The following NT5DC3 variants were observed in gnomAD, a reference collection of about 807,000 sequenced individuals.
NT5DC3 encodes the protein 5'-nucleotidase domain-containing protein 3.
In NT5DC3, 42 loss-of-function variants were observed where a neutral mutation model predicts 67.8. That is an observed-to-expected ratio of 0.62 (90% CI 0.48 to 0.80). The LOEUF is 0.80. NT5DC3 is among the 30% of genes least tolerant of loss of function. The pLI, the probability that NT5DC3 is intolerant of heterozygous loss-of-function variation, is 0.00. For missense variants in NT5DC3, 570 were observed against 696.4 expected (o/e 0.82, Z 2.04); for synonymous variants, 237 against 255.6 (o/e 0.93, Z 0.69).
chr12:103,814,937 C>G lies in NT5DC3; in HGVS notation c.393G>C (p.Arg131=), dbSNP rs942504871. ...GCCTGAAATGTCCCTGTGATCTTAC[C>G]CGGTGTTCATTGATGAGAAGGTCCC... ...AARDLLINEH[R]YPAEIRKYEY... is the part of the protein sequence containing the mutation. The change falls in exon 2 of 14, where the codon CGG becomes CGC. Residue 131 remains arginine (R), a splice_region_variant and synonymous_variant. Transcript: ENST00000392876. 7 of 1,599,352 alleles carry G rather than the reference C, an allele frequency of 4.4e-6. No homozygotes were observed. The highest frequency in any genetic ancestry group is 1.7e-5 in the Admixed American group (1 of 58,390).
At chr12:103,812,050 T>C (rs976040973) in intron 2 of NT5DC3, among the ~76,000 whole-genome samples, 1 of 152,162 alleles carries the variant, frequency 6.6e-6, no homozygotes, top group Middle Eastern at 3.4e-3. Flanking sequence ...TTTCTATTCC[T>C]CGGTGGACAA....
intron 2 of NT5DC3, among the ~76,000 whole-genome samples, chr12:103,812,511 AT>A (rs1887077341): frequency 7.0e-6 from 1 of 143,084 alleles, no homozygotes; most frequent in Non-Finnish European, 1.6e-5. Flanking sequence ...TTATCCATCT[AT>A]TTCATCTCTC....
chr12:103,757,555 C>A, the NT5DC3 span, among the ~76,000 whole-genome samples: 1 of 152,214 alleles, frequency 6.6e-6, no homozygotes, highest in Non-Finnish European at 1.5e-5. Context: ...CAGGGTCCCC[C>A]TTCTGTCTGA....
Position 103,782,672 on chromosome 12 carries a change from C to T in NT5DC3, c.1330-2308G>A, listed in dbSNP as rs751794870. ...CCAGCACCACCACCATGAACCACAG[C>T]CATTTTGGAATGCACTTCAAGGCTA... is the stretch of plus-strand genomic sequence containing the variant. On this transcript the variant is annotated intron_variant, in intron 12 of 13. Coordinates refer to ENST00000392876, the MANE Select transcript of NT5DC3 (RefSeq NM_001031701.3). Among the ~76,000 whole-genome samples the T allele has an allele frequency of 4.6e-5, 7 of 152,308 alleles. No homozygotes were observed. The South Asian group carries it at 1.5e-3, about 32-fold the overall frequency.
chr12:103,827,275 A>T (rs546850334), intron 1 of NT5DC3, among the ~76,000 whole-genome samples: 37 of 152,342 alleles, frequency 2.4e-4, no homozygotes, highest in East Asian at 1.5e-3. Flanking sequence ...TTTAAAAAAT[A>T]AATTAATTAA....
At chr12:103,770,062 C>T (rs1885146405), downstream of NT5DC3, among the ~76,000 whole-genome samples, 1 of 152,214 alleles carries the variant, frequency 6.6e-6, no homozygotes, top group African/African-American at 2.4e-5. Flanking sequence ...ACCCAGAGCA[C>T]CTGCTCCTTG....
the NT5DC3 span, chr12:103,748,866 C>G: frequency 7.5e-7 from 1 of 1,330,946 alleles, no homozygotes; most frequent in Non-Finnish European, 1.0e-6. Context: ...CATTTACTCA[C>G]CCAACACCAC....
At chr12:103,788,167 TGTGATG>T (rs1446700998) in intron 10 of NT5DC3, among the ~76,000 whole-genome samples, 1 of 152,132 alleles carries the variant, frequency 6.6e-6, no homozygotes, top group Admixed American at 6.5e-5. Context: ...ACAGGCTAGG[TGTGATG>T]GTTATGCCTG....
chr12:103,765,751 A>AGGCTGATCTCGAACTCC (rs71097998), downstream of NT5DC3, among the ~76,000 whole-genome samples: 41,403 of 151,532 alleles, frequency 0.27, 6,498 homozygotes, highest in East Asian at 0.6. Flanking sequence ...CGTGTTGCTC[A>AGGCTGATCTCGAACTCC]GGCTGATCTC....
the NT5DC3 span, chr12:103,759,147 G>C: frequency 7.4e-6 from 12 of 1,614,124 alleles, no homozygotes; most frequent in South Asian, 6.6e-5. Context: ...TGTCTGGGCG[G>C]GACATCGAGC....
chr12:103,768,534 GGA>G (rs1211612722), downstream of NT5DC3, among the ~76,000 whole-genome samples: 1 of 15,808 alleles, frequency 6.3e-5, no homozygotes, highest in Non-Finnish European at 1.2e-4. Context: ...GGAGAGAGAG[GGA>G]GAGGGGGAGA....
chr12:103,764,138 AGAC>A, the NT5DC3 span, among the ~76,000 whole-genome samples: 2 of 152,158 alleles, frequency 1.3e-5, 1 homozygote, highest in Non-Finnish European at 2.9e-5. Context: ...TTGTTAATAC[AGAC>A]AGGGTTTCTC....
chr12:103,834,314 C>T (rs534090769), intron 1 of NT5DC3, among the ~76,000 whole-genome samples: 2 of 152,274 alleles, frequency 1.3e-5, no homozygotes, highest in East Asian at 3.9e-4. Context: ...AACATTCACA[C>T]ATCCAAAAAT....
chr12:103,826,928 G>A (rs2139456917), intron 1 of NT5DC3, among the ~76,000 whole-genome samples: 1 of 152,304 alleles, frequency 6.6e-6, no homozygotes, highest in East Asian at 1.9e-4. Flanking sequence ...ACAGGTAACA[G>A]ACTGGTATTT....
At chr12:103,751,082 A>G in the NT5DC3 span, among the ~76,000 whole-genome samples, 1 of 152,214 alleles carries the variant, frequency 6.6e-6, no homozygotes, top group South Asian at 2.1e-4. Flanking sequence ...GGACCCACAA[A>G]CATAGTTCCT....
At chr12:103,825,970 C>T (rs536934694) in intron 1 of NT5DC3, among the ~76,000 whole-genome samples, 39 of 152,288 alleles carry the variant, frequency 2.6e-4, no homozygotes, top group African/African-American at 9.4e-4. Flanking sequence ...CCCTCATATG[C>T]AGATGGGGAA....
Position 103,787,547 on chromosome 12 carries a change from T to C in NT5DC3, c.1102-20A>G, listed in dbSNP as rs752248353. On this transcript the variant is annotated intron_variant, in intron 10 of 13. Coordinates refer to ENST00000392876, the MANE Select transcript of NT5DC3 (RefSeq NM_001031701.3). ...ATTACCCTGTAATCAGAGAAAACTATAGTTATTATTATTACAGATAGAGAT... is the reference window on the plus strand; with the variant it reads ...ATTACCCTGTAATCAGAGAAAACTACAGTTATTATTATTACAGATAGAGAT... The C allele has an allele frequency of 5.9e-6, 8 of 1,347,208 alleles. No individual in the cohort carries two copies. The South Asian group carries it at 6.4e-5, about 11-fold the overall frequency. The allele number at this position is 1,347,208 out of a possible 1,614,324, so 83.5% of individuals were successfully genotyped here. A position where few individuals can be genotyped will look rare whatever the true frequency, so the allele number is the denominator to read the frequency against.
the NT5DC3 span, chr12:103,746,388 G>C: frequency 2.0e-6 from 1 of 501,290 alleles, no homozygotes; most frequent in South Asian, 2.6e-5. Flanking sequence ...TGACATTGCA[G>C]AGATCATGTC....
chr12:103,780,712 A>C (rs1252355931), intron 12 of NT5DC3, among the ~76,000 whole-genome samples: 1 of 152,248 alleles, frequency 6.6e-6, no homozygotes, highest in East Asian at 1.9e-4. Flanking sequence ...CACATGATAC[A>C]TCCATTACAC....
Sources: gnomAD v4.1 joint callset for allele counts (sites outside exome capture counted in the v4.1 genomes callset) on GRCh38, gnomAD v4.1.1 for gene constraint, MANE v1.5 for transcripts, NCBI Gene and HGNC (gene_info 2026-07-23, HGNC 2026-07-21) for gene names.